The following EPSTI1 variants were observed in gnomAD, a reference collection of about 807,000 sequenced individuals.
EPSTI1 encodes the protein epithelial stromal interaction 1.
Under a neutral mutation model 49.9 loss-of-function variants are expected in EPSTI1, and 66 were observed. The ratio of observed to expected loss-of-function variants is 1.32; its 90% CI spans 1.08 to 1.62. The LOEUF (loss-of-function observed/expected upper bound fraction) is 1.62. Ranked by LOEUF, EPSTI1 falls within the 40% of genes most tolerant of loss-of-function variation. The probability of loss-of-function intolerance (pLI) is 0.00; values close to 1 mark genes in which losing one functional copy is unlikely to be tolerated. For synonymous variants in EPSTI1, 137 were observed against 130.7 expected, an observed-to-expected ratio of 1.05 and a Z score of -0.33; for missense variants, 394 against 365.5, an observed-to-expected ratio of 1.08 and a Z score of -0.64.
intron 6 of EPSTI1, among the ~76,000 whole-genome samples, chr13:42,929,971 A>G (rs746971973): frequency 3.9e-5 from 6 of 152,194 alleles, no homozygotes; most frequent in Non-Finnish European, 8.8e-5. Context: ...TGCTTCCTAG[A>G]AATTACTGGA....
At chr13:42,974,486 T>A (rs1334065075) in intron 1 of EPSTI1, among the ~76,000 whole-genome samples, 2 of 144,704 alleles carry the variant, frequency 1.4e-5, no homozygotes, top group African/African-American at 2.6e-5. Flanking sequence ...TGAAACCCCG[T>A]CTCTACTAAA....
chr13:42,947,075 C>A (rs980445318), intron 6 of EPSTI1, among the ~76,000 whole-genome samples: 4 of 152,182 alleles, frequency 2.6e-5, no homozygotes, highest in Non-Finnish European at 5.9e-5. Flanking sequence ...GTTACTCTTG[C>A]CTCACTACAG....
chr13:42,940,640 T>C (rs2038722232), intron 6 of EPSTI1, among the ~76,000 whole-genome samples: 1 of 152,176 alleles, frequency 6.6e-6, no homozygotes, highest in South Asian at 2.1e-4. Context: ...AGTGGTGTGA[T>C]CATAACTCAC....
In EPSTI1 at chr13:42,887,530, T is replaced by A. The variant is rs2036897750; in HGVS notation, c.*964A>T. 6.6e-6 allele frequency: 1 copy of A among 152,196 alleles called. No homozygotes were observed. The highest frequency in any genetic ancestry group is 1.5e-5 in the Non-Finnish European group (1 of 68,046). 9.4% of individuals were successfully genotyped at this position (152,196 alleles called of 1,614,324 possible). A position where few individuals can be genotyped will look rare whatever the true frequency, so the allele number is the denominator to read the frequency against. ...TTATTCTAGGATTGAATGTAATGCTTTTGCTATACAATGTGGTGGCTGGGG... is the reference window on the plus strand; with the variant it reads ...TTATTCTAGGATTGAATGTAATGCTATTGCTATACAATGTGGTGGCTGGGG... On this transcript the variant is annotated 3_prime_UTR_variant, in exon 11 of 11. Transcript: ENST00000313624.
chr13:42,977,886 C>T (rs2153434875), intron 1 of EPSTI1, among the ~76,000 whole-genome samples: 1 of 152,320 alleles, frequency 6.6e-6, no homozygotes, highest in East Asian at 1.9e-4. Flanking sequence ...TGTGGTGGCT[C>T]ATGCCTGTAA....
chr13:42,899,619 C>T (rs190002182), intron 9 of EPSTI1, among the ~76,000 whole-genome samples: 9 of 152,194 alleles, frequency 5.9e-5, no homozygotes, highest in Non-Finnish European at 1.2e-4. Flanking sequence ...AGAATTTGTC[C>T]CTTTAAATTG....
intron 9 of EPSTI1, among the ~76,000 whole-genome samples, chr13:42,899,779 T>A (rs2037302400): frequency 6.6e-6 from 1 of 152,202 alleles, no homozygotes; most frequent in African/African-American, 2.4e-5. Flanking sequence ...TACTAGGTAT[T>A]CTTAAGTCTG....
At chr13:42,946,306 G>A (rs1390856234) in intron 6 of EPSTI1, among the ~76,000 whole-genome samples, 1 of 152,100 alleles carries the variant, frequency 6.6e-6, no homozygotes, top group Admixed American at 6.6e-5. Context: ...TATTACAATC[G>A]GCAGGCTGAG....
chr13:42,984,245 T>C (rs962737187), intron 1 of EPSTI1, among the ~76,000 whole-genome samples: 2 of 152,206 alleles, frequency 1.3e-5, no homozygotes, highest in Non-Finnish European at 2.9e-5. Context: ...ACTCCAGCAT[T>C]ACCCAATTCT....
rs531309134 is a variant in EPSTI1 at position 42,940,500 on chromosome 13, T to C, written c.563+13448A>G. ...TGCTCATGGAGCCATATTTGCTTTA[T>C]TCATAATAGATGCCTAGAACCTAGT... On this transcript the variant is annotated intron_variant, in intron 6 of 10. Transcript: ENST00000313624. Among the ~76,000 whole-genome samples the C allele has an allele frequency of 4.5e-4, 68 of 152,368 alleles. 1 individual carries two copies. Among genetic ancestry groups the C allele is most frequent in the Admixed American group, 4.2e-3 (65 of 15,306 alleles).
chr13:42,890,466 A>C (rs994271936), intron 10 of EPSTI1, among the ~76,000 whole-genome samples: 6 of 151,530 alleles, frequency 4.0e-5, no homozygotes, highest in African/African-American at 1.5e-4. Context: ...CCCGGCTAAT[A>C]TTTTTGTGTT....
chr13:42,986,755 A>C (rs1274446653), intron 1 of EPSTI1, among the ~76,000 whole-genome samples: 4 of 151,252 alleles, frequency 2.6e-5, no homozygotes, highest in East Asian at 1.9e-4. Context: ...AAAAAAAAAA[A>C]AAAAAAAAAA....
chr13:42,918,286 G>A (rs1451505845), intron 7 of EPSTI1, among the ~76,000 whole-genome samples: 2 of 152,218 alleles, frequency 1.3e-5, no homozygotes, highest in Non-Finnish European at 2.9e-5. Context: ...CCCTGGCATA[G>A]TGACCATGTG....
At chr13:42,897,521 C>A (rs2037228120) in intron 9 of EPSTI1, among the ~76,000 whole-genome samples, 1 of 152,188 alleles carries the variant, frequency 6.6e-6, no homozygotes, top group Non-Finnish European at 1.5e-5. Context: ...TGAAACAAAT[C>A]TTCCTGGCAC....
At chr13:42,971,892 G>T (rs989428823) in intron 1 of EPSTI1, among the ~76,000 whole-genome samples, 1 of 152,180 alleles carries the variant, frequency 6.6e-6, no homozygotes, top group Non-Finnish European at 1.5e-5. Context: ...ATCAGCAGAC[G>T]TTGCATGTGT....
chr13:42,890,303 T>TTC (rs1466713083), intron 10 of EPSTI1, among the ~76,000 whole-genome samples: 2 of 148,052 alleles, frequency 1.4e-5, no homozygotes, highest in Non-Finnish European at 3.0e-5. Context: ...TTTCTTTTTT[T>TTC]TTTTTTTTTT....
intron 1 of EPSTI1, among the ~76,000 whole-genome samples, chr13:42,976,076 G>A (rs909924168): frequency 1.6e-4 from 24 of 152,198 alleles, no homozygotes; most frequent in African/African-American, 5.6e-4. Context: ...AAGCTAATAA[G>A]TTAGCCTGTT....
At chr13:42,964,938 T>C (rs1389079085) in intron 3 of EPSTI1, among the ~76,000 whole-genome samples, 1 of 152,218 alleles carries the variant, frequency 6.6e-6, no homozygotes, top group East Asian at 1.9e-4. Flanking sequence ...GTCAGCTCTC[T>C]GAAAGATTCA....
intron 6 of EPSTI1, among the ~76,000 whole-genome samples, chr13:42,938,308 A>G (rs942948156): frequency 6.6e-6 from 1 of 152,114 alleles, no homozygotes; most frequent in African/African-American, 2.4e-5. Flanking sequence ...TTTGAAAGGA[A>G]TCTTTTCTTC....
Sources: allele counts gnomAD v4.1 joint callset (sites outside exome capture counted in the v4.1 genomes callset), GRCh38; gene constraint gnomAD v4.1.1; transcripts MANE v1.5; gene names NCBI Gene and HGNC (gene_info 2026-07-23, HGNC 2026-07-21).